SLC7A8: variants seen among roughly 807,000 people sequenced by gnomAD.
The protein encoded by SLC7A8 is solute carrier family 7 member 8.
Under a neutral mutation model 51.2 loss-of-function variants are expected in SLC7A8, and 30 were observed. The ratio of observed to expected loss-of-function variants is 0.59; its 90% CI spans 0.44 to 0.80. SLC7A8 has a LOEUF of 0.80. Among genes scored for constraint, SLC7A8 ranks in the 30% least tolerant of loss-of-function variants. SLC7A8 has a pLI of 0.00. For missense variants in SLC7A8, 612 were observed against 674.4 expected, an observed-to-expected ratio of 0.91 and a Z score of 1.03; for synonymous variants, 257 against 275.8, an observed-to-expected ratio of 0.93 and a Z score of 0.67.
chr14:23,159,413 A>G (rs1318810059), intron 3 of SLC7A8, among the ~76,000 whole-genome samples: 1 of 152,230 alleles, frequency 6.6e-6, no homozygotes, highest in Non-Finnish European at 1.5e-5. Context: ...ATATATGGGA[A>G]TCAAATGTAG....
chr14:23,155,720 G>C (rs10146960), intron 3 of SLC7A8, among the ~76,000 whole-genome samples: 13,620 of 151,860 alleles, frequency 0.09, 1,382 homozygotes, highest in African/African-American at 0.25. Context: ...GATGTCCCCC[G>C]AGACATGGAG....
intron 3 of SLC7A8, chr14:23,154,534 G>A (rs1338593368): frequency 1.0e-6 from 1 of 960,126 alleles, no homozygotes; most frequent in African/African-American, 1.8e-5. Flanking sequence ...TTCTAATTGT[G>A]GAAAAGCCGC....
rs1395063641 is a variant in SLC7A8, at chr14:23,143,322, G to A, written c.509-118C>T. ...CGATGACATTGTAGTAGGTGAGCCA[G>A]ACATCCAGCAAGCTCAACCCCAGGG... On this transcript the variant is annotated intron_variant, in intron 3 of 10. Coordinates refer to ENST00000316902, the MANE Select transcript of SLC7A8 (RefSeq NM_012244.4). 2.8e-6 allele frequency: 4 copies of A among 1,410,188 alleles called. No individual in the cohort carries two copies. The Admixed American group carries it at 8.1e-5, about 29-fold the overall frequency. The allele number at this position is 1,410,188 out of a possible 1,614,324, so 87.4% of individuals were successfully genotyped here. A position where few individuals can be genotyped will look rare whatever the true frequency, so the allele number is the denominator to read the frequency against.
chr14:23,178,965 T>C (rs1028665305), intron 1 of SLC7A8, among the ~76,000 whole-genome samples: 1 of 150,194 alleles, frequency 6.7e-6, no homozygotes, highest in African/African-American at 2.5e-5. Flanking sequence ...TGGGCTAAAA[T>C]GATCAAGGAG....
chr14:23,157,690 C>T (rs1320120073), intron 3 of SLC7A8, among the ~76,000 whole-genome samples: 2 of 152,210 alleles, frequency 1.3e-5, no homozygotes, highest in Admixed American at 6.5e-5. Flanking sequence ...CTCCCCACCC[C>T]ATTCTACTCC....
At chr14:23,141,703 A>G (rs1006213079) in intron 4 of SLC7A8, among the ~76,000 whole-genome samples, 2 of 151,916 alleles carry the variant, frequency 1.3e-5, no homozygotes, top group Non-Finnish European at 2.9e-5. Context: ...ATCTGCCTGC[A>G]TTGGCCTCCC....
intron 3 of SLC7A8, among the ~76,000 whole-genome samples, chr14:23,164,161 A>G (rs990851290): frequency 6.6e-6 from 1 of 152,138 alleles, no homozygotes; most frequent in East Asian, 1.9e-4. Flanking sequence ...TTTTACTGCA[A>G]TTGAATCCTA....
At chr14:23,130,310 G>A (rs2048620506) in intron 8 of SLC7A8, among the ~76,000 whole-genome samples, 1 of 152,082 alleles carries the variant, frequency 6.6e-6, no homozygotes, top group Admixed American at 6.6e-5. Flanking sequence ...CTTACTGTGT[G>A]CCAGGTCTCT....
At chr14:23,133,768 G>A (rs1303597736) in intron 7 of SLC7A8, among the ~76,000 whole-genome samples, 1 of 152,052 alleles carries the variant, frequency 6.6e-6, no homozygotes, top group East Asian at 1.9e-4. Context: ...AGGTTGCAGT[G>A]AGCAGAGATC....
chr14:23,131,316 T>A, intron 8 of SLC7A8, 145 bp downstream of exon 8: 1 of 553,788 alleles, frequency 1.8e-6, no homozygotes, highest in Admixed American at 3.8e-5. Context: ...ATGGGTATCA[T>A]TTGCCAGATC....
intron 1 of SLC7A8, among the ~76,000 whole-genome samples, chr14:23,177,627 C>T (rs1392171409): frequency 6.6e-6 from 1 of 152,160 alleles, no homozygotes; most frequent in Non-Finnish European, 1.5e-5. Context: ...TATAAAGTAC[C>T]TAAATGGCCA....
At chr14:23,143,735 A>G (rs1258782700) in intron 3 of SLC7A8, among the ~76,000 whole-genome samples, 1 of 152,248 alleles carries the variant, frequency 6.6e-6, no homozygotes, top group Non-Finnish European at 1.5e-5. Flanking sequence ...TAATCACTTC[A>G]GCACTTCATA....
rs1427127005 is a variant in SLC7A8, at chr14:23,165,841, C to T, written c.357-405G>A. Among the ~76,000 whole-genome samples the T allele has an allele frequency of 6.6e-6, 1 of 152,112 alleles. No individual in the cohort carries two copies. Among genetic ancestry groups the T allele is most frequent in the African/African-American group, 2.4e-5 (1 of 41,392 alleles). The stretch of plus-strand genomic sequence containing the variant: ...GGGTTTGCAGGGGAAGCGCCTTCCA[C>T]ACCTTTTGGCCCATTGGTGAGGGTT... On this transcript the variant is annotated intron_variant, in intron 2 of 10. Coordinates refer to ENST00000316902, the MANE Select transcript of SLC7A8 (RefSeq NM_012244.4). The surrounding 1 kb of genome is among the most constrained non-coding windows in gnomAD (Gnocchi z 4.2).
At chr14:23,130,832 TAACTC>T (rs542940887) in intron 8 of SLC7A8, among the ~76,000 whole-genome samples, 117 of 152,182 alleles carry the variant, frequency 7.7e-4, no homozygotes, top group Non-Finnish European at 1.5e-3. Context: ...AAAATAAAAA[TAACTC>T]AAAAGACTCA....
At position 23,133,375 on chromosome 14, in the gene SLC7A8, A is replaced by C. The variant is rs138319137; in HGVS notation, c.1017-1818T>G. ...AGGATCACATGAGCCTGGGAGGCTG[A>C]GGCTGCAGTGAGCTGTGATTGTGCC... On this transcript the variant is annotated intron_variant, in intron 7 of 10. Transcript: ENST00000316902. Among the ~76,000 whole-genome samples, 747 of 143,820 alleles carry C rather than the reference A, an allele frequency of 5.2e-3. 9 individuals carry two copies. The highest frequency in any genetic ancestry group is 0.018 in the African/African-American group (715 of 38,864). The allele number at this position is 143,820 out of a possible 152,430, so 94.4% of individuals were successfully genotyped here. A position where few individuals can be genotyped will look rare whatever the true frequency, so the allele number is the denominator to read the frequency against.
chr14:23,127,457 G>A, intron 10 of SLC7A8, 114 bp from the exon 11 acceptor site: 1 of 1,257,168 alleles, frequency 8.0e-7, no homozygotes, highest in Non-Finnish European at 1.1e-6. Flanking sequence ...CTTCAGAGCA[G>A]TCAGTGCGTT....
chr14:23,131,347 T>C, intron 8 of SLC7A8, 114 bp downstream of exon 8: 1 of 777,474 alleles, frequency 1.3e-6, no homozygotes, highest in Non-Finnish European at 2.0e-6. Context: ...CAGTGAGACC[T>C]AGCAGCAGAC....
intron 3 of SLC7A8, among the ~76,000 whole-genome samples, chr14:23,153,457 A>G (rs1222290925): frequency 6.6e-6 from 1 of 152,092 alleles, no homozygotes; most frequent in Non-Finnish European, 1.5e-5. Context: ...TGCTTGGGTC[A>G]GTGGTACCCA....
chr14:23,169,912 A>T (rs1046660964), intron 1 of SLC7A8, among the ~76,000 whole-genome samples: 1 of 152,192 alleles, frequency 6.6e-6, no homozygotes, highest in Non-Finnish European at 1.5e-5. Context: ...CTTTTCCCTG[A>T]TAATAAAAGG....
Sources: allele counts gnomAD v4.1 joint callset (sites outside exome capture counted in the v4.1 genomes callset), GRCh38; gene constraint gnomAD v4.1.1; non-coding constraint Gnocchi (gnomAD v3.1); transcripts MANE v1.5; gene names NCBI Gene and HGNC (gene_info 2026-07-23, HGNC 2026-07-21).